Variants in NOS1AP observed in about 807,000 individuals in gnomAD.
NOS1AP encodes the protein nitric oxide synthase 1 adaptor protein, also known as carboxyl-terminal PDZ ligand of neuronal nitric oxide synthase protein.
Under a neutral mutation model 56.2 loss-of-function variants are expected in NOS1AP, and 21 were observed. The observed-to-expected ratio is 0.37, with a 90% CI of 0.26 to 0.54. The LOEUF is 0.54. Ranked by LOEUF, NOS1AP falls within the 20% of genes least tolerant of loss-of-function variation. The probability of loss-of-function intolerance (pLI) is 0.84; values close to 1 mark genes in which losing one functional copy is unlikely to be tolerated. For synonymous variants in NOS1AP, 270 were observed against 274.6 expected (o/e 0.98, Z 0.17); for missense variants, 522 against 657.8 (o/e 0.79, Z 2.26).
At chr1:162,173,750 C>T (rs1270950889) in intron 2 of NOS1AP, among the ~76,000 whole-genome samples, 5 of 152,226 alleles carry the variant, frequency 3.3e-5, no homozygotes, top group African/African-American at 7.2e-5. Context: ...AACAAGTGGG[C>T]GAAGGATATG....
At chr1:162,105,630 C>A (rs970843833) in intron 1 of NOS1AP, among the ~76,000 whole-genome samples, 1 of 152,202 alleles carries the variant, frequency 6.6e-6, no homozygotes, top group Non-Finnish European at 1.5e-5. Flanking sequence ...ACAAGGAGGT[C>A]TTGCCCAGTG....
rs188579446 is a variant in NOS1AP, at chr1:162,137,393, G to A, written c.106-17012G>A. On this transcript the variant is annotated intron_variant, in intron 1 of 9. Transcript: ENST00000361897. ...GCACTTTAACTGGATCTGGATTGGCGTGTGCCTCTGGAAGGTTTTCCATCT... is the reference window on the plus strand; with the variant it reads ...GCACTTTAACTGGATCTGGATTGGCATGTGCCTCTGGAAGGTTTTCCATCT... Among the ~76,000 whole-genome samples the A allele has an allele frequency of 2.4e-4, 36 of 151,830 alleles. No individual in the cohort carries two copies. The East Asian group carries it at 6.4e-3, about 27-fold the overall frequency.
chr1:162,170,480 A>G (rs887937073), intron 2 of NOS1AP, among the ~76,000 whole-genome samples: 1 of 152,206 alleles, frequency 6.6e-6, no homozygotes, highest in Non-Finnish European at 1.5e-5. Flanking sequence ...TTCATTAGGT[A>G]CTTGCTCAAT....
intron 2 of NOS1AP, among the ~76,000 whole-genome samples, chr1:162,238,763 G>C (rs1172450634): frequency 6.6e-6 from 1 of 152,156 alleles, no homozygotes; most frequent in African/African-American, 2.4e-5. Context: ...TGAAAAAAAT[G>C]ATAACAGTGA....
At chr1:162,302,462 C>T (rs1557870215) in intron 4 of NOS1AP, among the ~76,000 whole-genome samples, 1 of 152,154 alleles carries the variant, frequency 6.6e-6, no homozygotes, top group Non-Finnish European at 1.5e-5. Flanking sequence ...GGGCAGGCAC[C>T]TATGATATGC....
intron 3 of NOS1AP, among the ~76,000 whole-genome samples, chr1:162,291,411 G>A (rs1363619968): frequency 5.3e-5 from 8 of 151,922 alleles, no homozygotes; most frequent in African/African-American, 1.9e-4. Context: ...CTTAGCAATT[G>A]GATCAAATGA....
At position 162,221,518 on chromosome 1, in the gene NOS1AP, A is replaced by ACG. The variant is rs1652771115; in HGVS notation, c.178-65824_178-65823dup. On this transcript the variant is annotated intron_variant, in intron 2 of 9. Transcript: ENST00000361897. ...TTTCTTTTTTTAATGCAACACACAC[A>ACG]CGCACACACACGCGCGCACACACAC... 2.6e-5 allele frequency among the ~76,000 whole-genome samples: 3 copies of ACG among 115,988 alleles called. No individual in the cohort carries two copies. The Admixed American group carries it at 3.1e-4, about 12-fold the overall frequency. 76.1% of individuals were successfully genotyped at this position (115,988 alleles called of 152,430 possible).
chr1:162,150,609 A>G (rs61808461), intron 1 of NOS1AP, among the ~76,000 whole-genome samples: 128 of 152,136 alleles, frequency 8.4e-4, no homozygotes, highest in Non-Finnish European at 1.6e-3. Flanking sequence ...TTTTCTCCAC[A>G]TCCTTGCCAG....
At chr1:162,238,121 G>A (rs115419582) in intron 2 of NOS1AP, among the ~76,000 whole-genome samples, 1 of 152,044 alleles carries the variant, frequency 6.6e-6, no homozygotes, top group Admixed American at 6.6e-5. Context: ...TTACAGTATG[G>A]TGCAGTGCTT....
At chr1:162,328,303 C>A in intron 4 of NOS1AP, among the ~76,000 whole-genome samples, 1 of 152,204 alleles carries the variant, frequency 6.6e-6, no homozygotes, top group East Asian at 1.9e-4. Context: ...CAGCAAATCA[C>A]CATGGCACAC....
chr1:162,142,291 GT>G (rs1408050371), intron 1 of NOS1AP, among the ~76,000 whole-genome samples: 2 of 152,096 alleles, frequency 1.3e-5, no homozygotes, highest in African/African-American at 4.8e-5. Flanking sequence ...TCCTTATCTC[GT>G]TCCTGATCTT....
At chr1:162,140,196 T>A (rs1005856992) in intron 1 of NOS1AP, among the ~76,000 whole-genome samples, 3 of 152,232 alleles carry the variant, frequency 2.0e-5, no homozygotes, top group Non-Finnish European at 4.4e-5. Context: ...CTGCAGGCCC[T>A]CTGTTCTCAT....
intron 3 of NOS1AP, among the ~76,000 whole-genome samples, chr1:162,294,951 G>T (rs1284703298): frequency 2.6e-5 from 4 of 152,176 alleles, no homozygotes; most frequent in African/African-American, 9.7e-5. Context: ...TGAGCATTTA[G>T]CGTATTGGCC....
intron 3 of NOS1AP, among the ~76,000 whole-genome samples, chr1:162,294,228 A>AAGG (rs1557867016): frequency 0.02 from 2,140 of 105,482 alleles, 25 homozygotes; most frequent in Middle Eastern, 0.024. Context: ...AGGAAGGAAG[A>AAGG]AAGAAAGGAA....
rs1036086635 is a variant in NOS1AP, at chr1:162,346,818, A to G, written c.595+2842A>G. Among the ~76,000 whole-genome samples the G allele has an allele frequency of 2.6e-5, 4 of 152,360 alleles. No homozygotes were observed. The South Asian group carries it at 8.3e-4, about 32-fold the overall frequency. ...GCTTACTCATTTCTATTAAGTAGTG[A>G]CATTCTATTACTAATGACAGCATCT... On this transcript the variant is annotated intron_variant, in intron 6 of 9. Transcript: ENST00000361897.
chr1:162,129,436 C>T (rs1648646272), intron 1 of NOS1AP, among the ~76,000 whole-genome samples: 1 of 152,170 alleles, frequency 6.6e-6, no homozygotes, highest in Admixed American at 6.6e-5. Context: ...CCCTGCGTCA[C>T]ACAATGTGTT....
intron 2 of NOS1AP, among the ~76,000 whole-genome samples, chr1:162,187,918 C>A (rs1651495238): frequency 6.6e-6 from 1 of 152,114 alleles, no homozygotes; most frequent in Non-Finnish European, 1.5e-5. Context: ...ATTCATGAGA[C>A]CATGTAGCAA....
chr1:162,207,783 A>G (rs912148747), intron 2 of NOS1AP, among the ~76,000 whole-genome samples: 2 of 152,232 alleles, frequency 1.3e-5, no homozygotes, highest in South Asian at 2.1e-4. Context: ...CACAGGATCT[A>G]GAAGAACATG....
rs12562872 is a variant in NOS1AP at position 162,354,853 on chromosome 1, T to C, written c.596-334T>C. On this transcript the variant is annotated intron_variant, in intron 6 of 9. Coordinates refer to ENST00000361897, the MANE Select transcript of NOS1AP (RefSeq NM_014697.3). ...GGCCAGGGCCCTTTCCCTTGACTGC[T>C]TCCGTTCCTGAGCTGCGATGACATG... Among the ~76,000 whole-genome samples, 1,475 of 152,342 alleles carry C rather than the reference T, an allele frequency of 9.7e-3. 36 individuals are homozygous for C. The highest frequency in any genetic ancestry group is 0.043 in the East Asian group (224 of 5,186).
Sources: gnomAD v4.1 joint callset for allele counts (sites outside exome capture counted in the v4.1 genomes callset) on GRCh38, gnomAD v4.1.1 for gene constraint, MANE v1.5 for transcripts, NCBI Gene and HGNC (gene_info 2026-07-23, HGNC 2026-07-21) for gene names.